Variants in ADGRL2 observed in about 807,000 individuals in gnomAD.
ADGRL2 encodes the protein calcium-independent alpha-latrotoxin receptor 2.
In ADGRL2, 44 loss-of-function variants were observed where a neutral mutation model predicts 157.4. The observed-to-expected ratio is 0.28, with a 90% CI of 0.22 to 0.36. The LOEUF is 0.36. ADGRL2 is among the 10% of genes least tolerant of loss of function. The pLI is 1.00. For synonymous variants in ADGRL2, 585 were observed against 624.7 expected (o/e 0.94, Z 0.95); for missense variants, 1,510 against 1,768.9 (o/e 0.85, Z 2.63).
chr1:81,702,725 A>G (rs1447555911), intron 1 of ADGRL2, among the ~76,000 whole-genome samples: 1 of 152,228 alleles, frequency 6.6e-6, no homozygotes, highest in African/African-American at 2.4e-5. Flanking sequence ...ATTAAAAAAT[A>G]TTTGTTATAT....
At position 81,715,316 on chromosome 1, in the gene ADGRL2, C is replaced by CATAT. The variant is rs529344634; in HGVS notation, c.-143+15519_-143+15522dup. Among the ~76,000 whole-genome samples, 413 of 150,124 alleles carry CATAT rather than the reference C, an allele frequency of 2.8e-3. 1 individual carries two copies. Among genetic ancestry groups the CATAT allele is most frequent in the African/African-American group, 9.7e-3 (396 of 41,018 alleles). On this transcript the variant is annotated intron_variant, in intron 1 of 20. Coordinates refer to the ADGRL2 transcript ENST00000359929. ...TTTCCTTTTTTTAATTCTAAAGAGACATATATATATATATTCTTGAGTAAA... is the reference window on the plus strand; with the variant it reads ...TTTCCTTTTTTTAATTCTAAAGAGACATATATATATATATATATTCTTGAGTAAA...
At chr1:81,976,037 C>T (rs989917136) in intron 17 of ADGRL2, among the ~76,000 whole-genome samples, 4 of 151,674 alleles carry the variant, frequency 2.6e-5, no homozygotes, top group African/African-American at 9.7e-5. Context: ...ACTGTAAAAC[C>T]ACATTTTTAA....
At chr1:81,902,553 G>A (rs887365171) in intron 2 of ADGRL2, among the ~76,000 whole-genome samples, 5 of 152,160 alleles carry the variant, frequency 3.3e-5, no homozygotes, top group African/African-American at 4.8e-5. Context: ...AGCCAAAATT[G>A]CACCACTGCA....
chr1:81,735,070 T>TA (rs1187463054), intron 1 of ADGRL2: 1 of 148,902 alleles, frequency 6.7e-6, no homozygotes, highest in Non-Finnish European at 1.5e-5. Context: ...TTTCTTTAAA[T>TA]AAAATTTTTA....
chr1:81,907,342 A>G, intron 3 of ADGRL2, 112 bp downstream of exon 3: 1 of 859,324 alleles, frequency 1.2e-6, no homozygotes, highest in Non-Finnish European at 1.9e-6. Context: ...CTATTTATTA[A>G]ACTGAGTTGG....
At chr1:81,325,968 A>T (rs1314938219) in intron 1 of ADGRL2, among the ~76,000 whole-genome samples, 1 of 152,194 alleles carries the variant, frequency 6.6e-6, no homozygotes, top group Admixed American at 6.5e-5. Flanking sequence ...CAGAGCAATG[A>T]TTATTTTTTT....
chr1:81,589,149 C>G (rs1169208959), intron 3 of ADGRL2, among the ~76,000 whole-genome samples: 1 of 152,190 alleles, frequency 6.6e-6, no homozygotes, highest in Non-Finnish European at 1.5e-5. Context: ...GATGCCATCT[C>G]TAAGCTGGTG....
At chr1:81,416,068 T>A (rs1033198610) in intron 1 of ADGRL2, among the ~76,000 whole-genome samples, 1 of 152,040 alleles carries the variant, frequency 6.6e-6, no homozygotes. Context: ...GCCAGGATGG[T>A]CTCGATCTTG....
At position 81,969,343 on chromosome 1, in the gene ADGRL2, G is replaced by C; in HGVS notation, c.2689G>C (p.Ala897Pro). Residue 897 changes from alanine to proline, a missense_variant, in exon 15 of 24, where the codon GCT (alanine) becomes CCT (proline). By Grantham distance (27) the Ala-to-Pro change is conservative (BLOSUM62 -1). This residue lies in a region of ADGRL2 where 497 missense variants were observed against 627.2 expected (regional missense o/e 0.79). Transcript: ENST00000686636. ...HKNLCINLFI[A>P]EFIFLIGIDK... is the part of the protein sequence containing the mutation. ...GAACCTTTGTATCAACCTTTTCATT[G>C]CTGAATTTATTTTCCTAATAGGCAT... 9 of 1,613,866 alleles carry C rather than the reference G, an allele frequency of 5.6e-6. No homozygotes were observed. Among genetic ancestry groups the C allele is most frequent in the Non-Finnish European group, 7.6e-6 (9 of 1,179,862 alleles).
intron 1 of ADGRL2, among the ~76,000 whole-genome samples, chr1:81,377,981 T>A (rs11163268): frequency 6.6e-6 from 1 of 151,782 alleles, no homozygotes; most frequent in African/African-American, 2.4e-5. Flanking sequence ...GAGATCGAGA[T>A]CATCCTGGAC....
At chr1:81,576,700 C>T (rs1461622126) in intron 2 of ADGRL2, among the ~76,000 whole-genome samples, 1 of 151,922 alleles carries the variant, frequency 6.6e-6, no homozygotes, top group Non-Finnish European at 1.5e-5. Context: ...CATTGGCAAC[C>T]AGTGTTCTTC....
chr1:81,716,986 A>T (rs560219146), intron 1 of ADGRL2, among the ~76,000 whole-genome samples: 13 of 152,322 alleles, frequency 8.5e-5, no homozygotes, highest in Middle Eastern at 3.4e-3. Flanking sequence ...TAAGATTGTC[A>T]TGAGGCTTAT....
At chr1:81,331,372 G>T (rs1299527235) in intron 1 of ADGRL2, among the ~76,000 whole-genome samples, 2 of 151,980 alleles carry the variant, frequency 1.3e-5, no homozygotes, top group African/African-American at 4.8e-5. Flanking sequence ...ACCCTTTGGG[G>T]GTATGTTACG....
At chr1:81,534,452 G>A (rs183193484) in intron 2 of ADGRL2, among the ~76,000 whole-genome samples, 17 of 152,222 alleles carry the variant, frequency 1.1e-4, no homozygotes, top group African/African-American at 3.4e-4. Flanking sequence ...GTTAGCCACC[G>A]CACCAGGCCT....
rs1454412460 is a variant in ADGRL2, at chr1:81,403,575, T to C, written c.-301-41461T>C. Among the ~76,000 whole-genome samples the C allele has an allele frequency of 3.4e-5, 5 of 149,090 alleles. No individual in the cohort carries two copies. The East Asian group carries it at 9.7e-4, about 29-fold the overall frequency. On this transcript the variant is annotated intron_variant, in intron 1 of 24. Transcript: ENST00000370721. The stretch of plus-strand genomic sequence containing the variant: ...GTCACCGTGCCTGGCCATAACACTT[T>C]TTCTTTAATGAGTGTACCTCTAGGA...
rs1571609337 is a variant in ADGRL2 at position 81,843,401 on chromosome 1, G to A, written c.73+6344G>A. ...TTGCCTTGGCCTCCCAAAGTGCTGG[G>A]ATTACAGGCATGAACCACTGTGCCC... On this transcript the variant is annotated intron_variant, in intron 2 of 23. Coordinates refer to ENST00000686636, the MANE Select transcript of ADGRL2 (RefSeq NM_001366006.2). 3.3e-5 allele frequency among the ~76,000 whole-genome samples: 5 copies of A among 152,212 alleles called. 1 individual carries two copies. The highest frequency in any genetic ancestry group is 3.3e-4 in the Admixed American group (5 of 15,268).
intron 1 of ADGRL2, among the ~76,000 whole-genome samples, chr1:81,403,231 T>A (rs2076788874): frequency 1.0e-5 from 1 of 99,504 alleles, no homozygotes; most frequent in African/African-American, 2.7e-5. Flanking sequence ...TTTCCTTGTT[T>A]TTTTTTTGTT....
intron 2 of ADGRL2, among the ~76,000 whole-genome samples, chr1:81,506,714 GAACAAAACAA>G (rs201035324): frequency 0.025 from 3,556 of 140,296 alleles, 63 homozygotes; most frequent in Admixed American, 0.05. Flanking sequence ...AGTCTCAAAA[GAACAAAACAA>G]AACAAAACAA....
intron 2 of ADGRL2, among the ~76,000 whole-genome samples, chr1:81,766,702 T>G (rs987416176): frequency 6.6e-6 from 1 of 151,544 alleles, no homozygotes; most frequent in Non-Finnish European, 1.5e-5. Context: ...TGGTGGCACA[T>G]GCCTGTAATC....
Sources: allele counts gnomAD v4.1 joint callset (sites outside exome capture counted in the v4.1 genomes callset), GRCh38; gene constraint gnomAD v4.1.1; regional missense constraint gnomAD v4.1.1; transcripts MANE v1.5; gene names NCBI Gene and HGNC (gene_info 2026-07-23, HGNC 2026-07-21).